The following CACNA1S variants were observed in gnomAD, a reference collection of about 807,000 sequenced individuals.
CACNA1S encodes calcium voltage-gated channel subunit alpha1 S.
CACNA1S carries 126 observed loss-of-function variants against 207.4 expected under a neutral mutation model. That is an observed-to-expected ratio of 0.61 (90% CI 0.53 to 0.70). CACNA1S has a LOEUF of 0.70. Among genes scored for constraint, CACNA1S ranks in the 30% least tolerant of loss-of-function variants. CACNA1S has a pLI of 0.00. For synonymous variants in CACNA1S, 960 were observed against 932.7 expected (o/e 1.03, Z -0.53); for missense variants, 2,349 against 2,422.8 (o/e 0.97, Z 0.64).
Position 201,087,909 on chromosome 1 carries a change from A to C in CACNA1S, c.921T>G (p.Asn307Lys). 1.9e-6 allele frequency: 3 copies of C among 1,612,950 alleles called. No homozygotes were observed. Among genetic ancestry groups the C allele is most frequent in the Non-Finnish European group, 2.5e-6 (3 of 1,179,086 alleles). The change falls in exon 7 of 44, where the codon AAT becomes AAG. Residue 307 changes from asparagine (N) to lysine (K), a missense_variant. By Grantham distance (94) the Asn-to-Lys change is moderately conservative. Coordinates refer to ENST00000362061, the MANE Select transcript of CACNA1S (RefSeq NM_000069.3). ...VLYWVNDAIG[N>K]EWPWIYFVTL... ...TGACAAAATAGATCCAGGGCCACTC[A>C]TTCCCGATGGCATCATTGACCTGGT... is the stretch of plus-strand genomic sequence containing the variant.
intron 27 of CACNA1S, among the ~76,000 whole-genome samples, chr1:201,058,736 ATTG>A (rs779341921): frequency 1.4e-4 from 21 of 151,922 alleles, no homozygotes; most frequent in Non-Finnish European, 2.2e-4. Context: ...GGAGGGGAGA[ATTG>A]TTGGGAACTC....
At chr1:201,062,368 G>T in intron 23 of CACNA1S, 94 bp downstream of exon 23, 1 of 1,288,584 alleles carries the variant, frequency 7.8e-7, no homozygotes, top group Non-Finnish European at 1.1e-6. Flanking sequence ...CCTGCCCCGT[G>T]ACCGTAACCC....
chr1:201,039,749 G>A lies in CACNA1S; in HGVS notation c.*82C>T, dbSNP rs1268889675. 2 of 1,576,500 alleles carry A rather than the reference G, an allele frequency of 1.3e-6. No individual in the cohort carries two copies. Among genetic ancestry groups the A allele is most frequent in the African/African-American group, 1.3e-5 (1 of 74,460 alleles). On this transcript the variant is annotated 3_prime_UTR_variant, in exon 44 of 44. Transcript: ENST00000362061. Reference sequence around the variant, plus strand: ...GAGAGGGAGGGAGGCTGCTGCGGTGGGCTAGCCCTTCTCCACCCCAGCAAC... The same window carrying A: ...GAGAGGGAGGGAGGCTGCTGCGGTGAGCTAGCCCTTCTCCACCCCAGCAAC...
At chr1:201,051,247 G>A (rs1660639312) in intron 32 of CACNA1S, 104 bp from the exon 33 acceptor site, 1 of 1,114,478 alleles carries the variant, frequency 9.0e-7, no homozygotes. Context: ...GCAAACTGGG[G>A]CTGTTGTCCA....
intron 1 of CACNA1S, among the ~76,000 whole-genome samples, chr1:201,111,121 A>G (rs1214582430): frequency 6.6e-6 from 1 of 152,172 alleles, no homozygotes; most frequent in African/African-American, 2.4e-5. Flanking sequence ...ACCTGATTGC[A>G]GAAGAGAGGC....
chr1:201,110,080 C>T (rs943010446), intron 2 of CACNA1S, 84 bp downstream of exon 2: 26 of 1,229,500 alleles, frequency 2.1e-5, no homozygotes, highest in Non-Finnish European at 2.9e-5. Context: ...CGGCACCATC[C>T]CCCAGAACAG....
At chr1:201,110,654 A>C (rs965137652) in intron 1 of CACNA1S, among the ~76,000 whole-genome samples, 2 of 152,204 alleles carry the variant, frequency 1.3e-5, no homozygotes, top group Non-Finnish European at 2.9e-5. Flanking sequence ...GCCAATCCAC[A>C]GAGGCTTACC....
At chr1:201,054,426 C>A (rs554378533) in intron 29 of CACNA1S, 79 bp downstream of exon 29, 1 of 1,429,860 alleles carries the variant, frequency 7.0e-7, no homozygotes, top group East Asian at 2.3e-5. Context: ...ATGCAATCCA[C>A]GCAGCCAGGC....
chr1:201,093,765 A>T, intron 3 of CACNA1S, 117 bp downstream of exon 3: 3 of 1,271,974 alleles, frequency 2.4e-6, no homozygotes, highest in Non-Finnish European at 3.4e-6. Context: ...TGCTCCATGC[A>T]GTGGTTAGCA....
intron 2 of CACNA1S, among the ~76,000 whole-genome samples, chr1:201,108,983 C>T (rs1377808771): frequency 6.6e-6 from 1 of 152,204 alleles, no homozygotes; most frequent in East Asian, 1.9e-4. Context: ...TGTGGTGGCT[C>T]ACACCTATAA....
Position 201,093,976 on chromosome 1 carries a change from C to T in CACNA1S, c.304G>A (p.Ala102Thr), listed in dbSNP as rs753901380. 1.5e-5 allele frequency: 24 copies of T among 1,614,080 alleles called. No homozygotes were observed. The highest frequency in any genetic ancestry group is 1.6e-4 in the Middle Eastern group (1 of 6,080). The change falls in exon 3 of 44, where the codon GCC (alanine) becomes ACC (threonine). Residue 102 changes from alanine (A) to threonine (T), a missense_variant. Transcript: ENST00000362061. ...AAGCCGTAGGCAATGATCTTCATGG[C>T]GGCTTCAATCGAGAAGACAATGAGG... Reference protein sequence around the residue: ...FFLIVFSIEAAMKIIAYGFLF... With the variant: ...FFLIVFSIEATMKIIAYGFLF...
Position 201,090,235 on chromosome 1 carries a change from C to T in CACNA1S, c.695-772G>A, listed in dbSNP as rs74136311. ...CCCCATGAAGTCAGAAGCCCCGATC[C>T]GAGAGGGGCTTTTGAGCACTGCTGC... On this transcript the variant is annotated intron_variant, in intron 5 of 43. Coordinates refer to ENST00000362061, the MANE Select transcript of CACNA1S (RefSeq NM_000069.3). 7.5e-4 allele frequency among the ~76,000 whole-genome samples: 114 copies of T among 152,272 alleles called. 1 individual carries two copies. The highest frequency in any genetic ancestry group is 2.6e-3 in the African/African-American group (109 of 41,554).
At chr1:201,096,182 A>C (rs1662424256) in intron 2 of CACNA1S, among the ~76,000 whole-genome samples, 1 of 152,114 alleles carries the variant, frequency 6.6e-6, no homozygotes, top group African/African-American at 2.4e-5. Context: ...GCTTCAGATG[A>C]GGTCACTCAG....
At position 201,062,067 on chromosome 1, in the gene CACNA1S, T is replaced by C; in HGVS notation, c.2930A>G (p.Asp977Gly). The C allele has an allele frequency of 6.2e-7, 1 of 1,614,010 alleles. No homozygotes were observed. ...ECRGYYYVYK[D>G]GDPMQIELRH... Reference sequence around the variant, plus strand: ...CAGCTCTATCTGCATGGGGTCCCCGTCCTTGTACACGTAGTAGTAGCCCCT... The same window carrying C: ...CAGCTCTATCTGCATGGGGTCCCCGCCCTTGTACACGTAGTAGTAGCCCCT... Residue 977 changes from aspartate (D) to glycine (G), a missense_variant, in exon 24 of 44, where the codon GAC becomes GGC. Transcript: ENST00000362061.
rs756169950 is a variant in CACNA1S at position 201,062,228 on chromosome 1, G to A, written c.2907-138C>T. On this transcript the variant is annotated intron_variant, in intron 23 of 43. Transcript: ENST00000362061. ...GGGACCCAAGGGGACACCGCTGGGC[G>A]AGTCCGAGGAAAGGGGCCTCTGTGA... 2.1e-4 allele frequency: 239 copies of A among 1,159,374 alleles called. 2 individuals carry two copies. Among genetic ancestry groups the A allele is most frequent in the Middle Eastern group, 1.9e-3 (7 of 3,672 alleles). 71.8% of individuals were successfully genotyped at this position (1,159,374 alleles called of 1,614,324 possible).
rs1553254116 is a variant in CACNA1S at position 201,110,222 on chromosome 1, G to A, written c.200C>T (p.Ala67Val). The A allele has an allele frequency of 6.2e-7, 1 of 1,614,188 alleles. No homozygotes were observed. Among genetic ancestry groups the A allele is most frequent in the Non-Finnish European group, 8.5e-7 (1 of 1,180,010 alleles). Reference sequence around the variant, plus strand: ...CGGCATGGGCAGGTACACGGCCAGGGCCACACAATTGGCAAAGATGGTGAG... The same window carrying A: ...CGGCATGGGCAGGTACACGGCCAGGACCACACAATTGGCAAAGATGGTGAG... ...ILLTIFANCV[A>V]LAVYLPMPED... Residue 67 changes from alanine to valine, a missense_variant, in exon 2 of 44, where the codon GCC becomes GTC. Coordinates refer to ENST00000362061, the MANE Select transcript of CACNA1S (RefSeq NM_000069.3).
Position 201,049,092 on chromosome 1 carries a change from T to G in CACNA1S, c.4249A>C (p.Ile1417Leu). 6.2e-7 allele frequency: 1 copy of G among 1,611,424 alleles called. No individual in the cohort carries two copies. Among genetic ancestry groups the G allele is most frequent in the Non-Finnish European group, 8.5e-7 (1 of 1,178,790 alleles). Residue 1417 changes from isoleucine to leucine, a missense_variant, in exon 35 of 44, where the codon ATC becomes CTC. By Grantham distance (5) the Ile-to-Leu change is conservative. Coordinates refer to ENST00000362061, the MANE Select transcript of CACNA1S (RefSeq NM_000069.3). ...AGGGTCACCACGTCCAGGTGTTTGATTCTCCCCCTGCGGGAGGACACACAG... is the reference window on the plus strand; with the variant it reads ...AGGGTCACCACGTCCAGGTGTTTGAGTCTCCCCCTGCGGGAGGACACACAG... ...AEYDPEAKGR[I>L]KHLDVVTLLR...
intron 16 of CACNA1S, among the ~76,000 whole-genome samples, chr1:201,072,065 G>A (rs1166610597): frequency 6.6e-6 from 1 of 152,150 alleles, no homozygotes; most frequent in East Asian, 1.9e-4. Flanking sequence ...CTGACCCGGT[G>A]ATCCGAAGGA....
In CACNA1S at chr1:201,083,146, C is replaced by T. The variant is rs374866886; in HGVS notation, c.1393+16G>A. 6.1e-5 allele frequency: 99 copies of T among 1,613,306 alleles called. No homozygotes were observed. In the Middle Eastern group the frequency reaches 8.4e-4, roughly 14 times the overall value. On this transcript the variant is annotated intron_variant, in intron 10 of 43. Coordinates refer to ENST00000362061, the MANE Select transcript of CACNA1S (RefSeq NM_000069.3). ...CACATGTGCCCTCCTCCCGGCTTCA[C>T]TCCGTTCCGCCTCACCTTGCAAACG... is the stretch of plus-strand genomic sequence containing the variant.
Sources: allele counts gnomAD v4.1 joint callset (sites outside exome capture counted in the v4.1 genomes callset), GRCh38; gene constraint gnomAD v4.1.1; transcripts MANE v1.5; gene names NCBI Gene and HGNC (gene_info 2026-07-23, HGNC 2026-07-21).